EPHB2: variants seen among roughly 807,000 people sequenced by gnomAD.
EPHB2 encodes the protein EPH receptor B2.
Under a neutral mutation model 96.4 loss-of-function variants are expected in EPHB2, and 18 were observed. The ratio of observed to expected loss-of-function variants is 0.19; its 90% confidence interval spans 0.13 to 0.28. The LOEUF (loss-of-function observed/expected upper bound fraction) is 0.28. Ranked by LOEUF, EPHB2 falls within the 10% of genes least tolerant of loss-of-function variation. The pLI is 1.00. For missense variants in EPHB2, 989 were observed against 1,355.4 expected, an observed-to-expected ratio of 0.73 and a Z score of 4.25; for synonymous variants, 506 against 534.1, an observed-to-expected ratio of 0.95 and a Z score of 0.72.
intron 1 of EPHB2, among the ~76,000 whole-genome samples, chr1:22,739,371 A>G (rs1643877873): frequency 6.6e-6 from 1 of 152,164 alleles, no homozygotes; most frequent in South Asian, 2.1e-4. Context: ...GCATGCCAGC[A>G]CGCCTGGCTA....
At chr1:22,794,416 G>T (rs1231518996) in intron 3 of EPHB2, among the ~76,000 whole-genome samples, 2 of 152,198 alleles carry the variant, frequency 1.3e-5, no homozygotes, top group South Asian at 4.2e-4. Flanking sequence ...CCTCTGGCCA[G>T]AGAGAAAAGC....
chr1:22,792,507 T>G (rs1644708789), intron 3 of EPHB2, among the ~76,000 whole-genome samples: 1 of 152,134 alleles, frequency 6.6e-6, no homozygotes, highest in Non-Finnish European at 1.5e-5. Context: ...ATTCAGGCCT[T>G]TGCTCTTAAA....
chr1:22,850,233 G>A (rs1645605317), intron 3 of EPHB2, among the ~76,000 whole-genome samples: 1 of 152,206 alleles, frequency 6.6e-6, no homozygotes, highest in Admixed American at 6.5e-5. Flanking sequence ...AATCCCAGCA[G>A]GGGTGGCCAG....
At chr1:22,727,517 C>A (rs1232463684) in intron 1 of EPHB2, among the ~76,000 whole-genome samples, 3 of 152,208 alleles carry the variant, frequency 2.0e-5, no homozygotes, top group African/African-American at 7.2e-5. Flanking sequence ...CCTGGACAAC[C>A]CAAGCAGCAC....
intron 1 of EPHB2, among the ~76,000 whole-genome samples, chr1:22,761,157 G>C (rs1159783710): frequency 6.6e-6 from 1 of 152,172 alleles, no homozygotes; most frequent in African/African-American, 2.4e-5. Context: ...GGGGATCAGG[G>C]AATGCCAGGA....
chr1:22,738,862 G>A (rs1419605544), intron 1 of EPHB2, among the ~76,000 whole-genome samples: 5 of 152,140 alleles, frequency 3.3e-5, no homozygotes, highest in Non-Finnish European at 7.4e-5. Flanking sequence ...CTAGACCAAG[G>A]TGCCCCCACA....
intron 3 of EPHB2, among the ~76,000 whole-genome samples, chr1:22,830,076 C>T (rs938713021): frequency 2.0e-5 from 3 of 152,170 alleles, no homozygotes; most frequent in Non-Finnish European, 4.4e-5. Context: ...GGGACTAGGG[C>T]TGACAATTTG....
chr1:22,722,097 G>A (rs1643480216), intron 1 of EPHB2, among the ~76,000 whole-genome samples: 1 of 152,086 alleles, frequency 6.6e-6, no homozygotes, highest in African/African-American at 2.4e-5. Context: ...ACAATCATGT[G>A]CCACCACGCC....
At chr1:22,889,816 A>G (rs1417908756) in intron 6 of EPHB2, among the ~76,000 whole-genome samples, 1 of 152,190 alleles carries the variant, frequency 6.6e-6, no homozygotes, top group Admixed American at 6.5e-5. Context: ...AAAATAGAAG[A>G]CACATGATTA....
At chr1:22,911,626 G>A (rs187949075) in intron 14 of EPHB2, among the ~76,000 whole-genome samples, 1 of 152,252 alleles carries the variant, frequency 6.6e-6, no homozygotes, top group African/African-American at 2.4e-5. Flanking sequence ...TTGGGTGGCT[G>A]TCACAGGTCA....
chr1:22,794,772 G>A (rs987054999), intron 3 of EPHB2, among the ~76,000 whole-genome samples: 6 of 152,212 alleles, frequency 3.9e-5, no homozygotes, highest in East Asian at 1.9e-4. Context: ...GTCCTCTCTC[G>A]GCCCCAGACT....
intron 2 of EPHB2, among the ~76,000 whole-genome samples, chr1:22,782,466 C>A (rs1570267961): frequency 6.7e-6 from 1 of 149,586 alleles, no homozygotes; most frequent in Non-Finnish European, 1.5e-5. Context: ...ATTCCCCCCA[C>A]CCCCCAGGCC....
intron 3 of EPHB2, among the ~76,000 whole-genome samples, chr1:22,827,867 C>T (rs1645246594): frequency 1.3e-5 from 2 of 152,250 alleles, no homozygotes; most frequent in Non-Finnish European, 2.9e-5. Flanking sequence ...GTGACAGACC[C>T]TTGGCCTTGC....
chr1:22,713,574 A>G (rs1366186029), intron 1 of EPHB2, among the ~76,000 whole-genome samples: 2 of 151,906 alleles, frequency 1.3e-5, no homozygotes, highest in African/African-American at 4.8e-5. Context: ...GCCTGTGCAC[A>G]TTTGGGGGGC....
At chr1:22,822,780 A>C (rs1645169885) in intron 3 of EPHB2, among the ~76,000 whole-genome samples, 1 of 152,228 alleles carries the variant, frequency 6.6e-6, no homozygotes, top group African/African-American at 2.4e-5. Context: ...CCTGCCGTCC[A>C]GTTTCAGGCC....
At chr1:22,872,867 A>G (rs75787163) in intron 5 of EPHB2, among the ~76,000 whole-genome samples, 3,291 of 152,302 alleles carry the variant, frequency 0.022, 113 homozygotes, top group African/African-American at 0.075. Context: ...TCAGAGAGAA[A>G]TGGGCCAAGA....
At chr1:22,856,416 G>C (rs1645699691) in intron 3 of EPHB2, among the ~76,000 whole-genome samples, 1 of 152,198 alleles carries the variant, frequency 6.6e-6, no homozygotes, top group Non-Finnish European at 1.5e-5. Context: ...ATTGCAGAAG[G>C]CCGGCGCTGG....
chr1:22,796,999 T>C (rs991509850), intron 3 of EPHB2, among the ~76,000 whole-genome samples: 2 of 152,188 alleles, frequency 1.3e-5, no homozygotes, highest in Admixed American at 6.5e-5. Flanking sequence ...TCATCATTAG[T>C]ACATTTTTTT....
At chr1:22,898,949 C>T (rs896443510) in intron 9 of EPHB2, among the ~76,000 whole-genome samples, 31 of 152,096 alleles carry the variant, frequency 2.0e-4, no homozygotes, top group African/African-American at 6.8e-4. Flanking sequence ...CGGTGGCTCA[C>T]GCCTGTAATC....
Sources: gnomAD v4.1 joint callset for allele counts (sites outside exome capture counted in the v4.1 genomes callset) on GRCh38, gnomAD v4.1.1 for gene constraint, MANE v1.5 for transcripts, NCBI Gene and HGNC (gene_info 2026-07-23, HGNC 2026-07-21) for gene names.